The following TSHZ2 variants were observed in gnomAD, a reference collection of about 807,000 sequenced individuals.
TSHZ2 encodes teashirt zinc finger homeobox 2, also known as teashirt homolog 2.
A neutral mutation model predicts 74.4 loss-of-function variants in TSHZ2; 21 were observed. The ratio of observed to expected loss-of-function variants is 0.28; its 90% CI spans 0.20 to 0.41. The LOEUF (loss-of-function observed/expected upper bound fraction) is 0.41. Ranked by LOEUF, TSHZ2 falls within the 10% of genes least tolerant of loss-of-function variation. The pLI is 1.00. For missense variants in TSHZ2, 1,244 were observed against 1,293.5 expected, an observed-to-expected ratio of 0.96 and a Z score of 0.59; for synonymous variants, 540 against 515.3, an observed-to-expected ratio of 1.05 and a Z score of -0.65.
intron 2 of TSHZ2, among the ~76,000 whole-genome samples, chr20:53,466,154 G>T (rs1310057286): frequency 6.6e-6 from 1 of 151,910 alleles, no homozygotes; most frequent in Admixed American, 6.6e-5. Flanking sequence ...GGCTGAGGCA[G>T]GAGAAATCAC....
chr20:53,170,203 C>T (rs1345065143), intron 1 of TSHZ2, among the ~76,000 whole-genome samples: 2 of 152,206 alleles, frequency 1.3e-5, no homozygotes, highest in African/African-American at 2.4e-5. Flanking sequence ...TTTTCTAGGG[C>T]TATGCTGCTT....
intron 2 of TSHZ2, among the ~76,000 whole-genome samples, chr20:53,469,485 A>G (rs1344376153): frequency 6.6e-6 from 1 of 151,926 alleles, no homozygotes; most frequent in Non-Finnish European, 1.5e-5. Flanking sequence ...TGGAGGTTGC[A>G]GTGAGCCGAG....
chr20:53,070,462 C>G (rs1183357017), intron 1 of TSHZ2, among the ~76,000 whole-genome samples: 1 of 152,206 alleles, frequency 6.6e-6, no homozygotes, highest in African/African-American at 2.4e-5. Flanking sequence ...GAAGCAATCT[C>G]TTTCGGATAA....
At chr20:52,986,827 G>T (rs1054306426) in intron 1 of TSHZ2, among the ~76,000 whole-genome samples, 8 of 152,240 alleles carry the variant, frequency 5.3e-5, no homozygotes, top group African/African-American at 1.9e-4. Flanking sequence ...ATAAATTTTT[G>T]TTTTAAAATA....
At chr20:53,058,894 G>T (rs758611853) in intron 1 of TSHZ2, among the ~76,000 whole-genome samples, 1 of 152,108 alleles carries the variant, frequency 6.6e-6, no homozygotes, top group Non-Finnish European at 1.5e-5. Context: ...CATATATTTC[G>T]TTTGTTTGAA....
intron 2 of TSHZ2, among the ~76,000 whole-genome samples, chr20:53,473,654 G>T (rs1357578050): frequency 6.6e-6 from 1 of 150,728 alleles, no homozygotes; most frequent in African/African-American, 2.5e-5. Context: ...AAAGCTGGAT[G>T]GAGAATGACT....
chr20:53,190,243 G>T (rs1266978149), intron 1 of TSHZ2, among the ~76,000 whole-genome samples: 1 of 149,992 alleles, frequency 6.7e-6, no homozygotes, highest in Non-Finnish European at 1.5e-5. Context: ...ATAAGGATGA[G>T]AATAGATTAC....
chr20:53,017,316 T>C (rs1403284899), intron 1 of TSHZ2, among the ~76,000 whole-genome samples: 1 of 152,166 alleles, frequency 6.6e-6, no homozygotes, highest in Non-Finnish European at 1.5e-5. Context: ...CCACAGCCCA[T>C]GACATGCTAC....
rs1986352704 is a variant in TSHZ2 at position 53,488,443 on chromosome 20, T to C, written c.*1308T>C. ...AATATTAAAAGTCTTGCATACCTAG[T>C]GCACAGTTTGGAGACGCAAGGATAG... On this transcript the variant is annotated 3_prime_UTR_variant, in exon 3 of 3. Transcript: ENST00000371497. The C allele has an allele frequency of 6.5e-6, 1 of 154,108 alleles. No individual in the cohort carries two copies. The highest frequency in any genetic ancestry group is 1.4e-5 in the Non-Finnish European group (1 of 69,398). The allele number at this position is 154,108 out of a possible 1,614,324, so 9.5% of individuals were successfully genotyped here. A position where few individuals can be genotyped will look rare whatever the true frequency, so the allele number is the denominator to read the frequency against.
chr20:53,127,018 TAAA>T (rs201808287), intron 1 of TSHZ2, among the ~76,000 whole-genome samples: 5 of 147,300 alleles, frequency 3.4e-5, no homozygotes, highest in African/African-American at 9.9e-5. Context: ...AGGAAAAAGG[TAAA>T]AAAAAAGAAG....
chr20:53,062,643 G>A (rs1360456179), intron 1 of TSHZ2, among the ~76,000 whole-genome samples: 1 of 152,142 alleles, frequency 6.6e-6, no homozygotes, highest in East Asian at 1.9e-4. Flanking sequence ...TTGGCTTAAG[G>A]GAATGTTGTG....
At chr20:53,469,860 G>A (rs934564565) in intron 2 of TSHZ2, among the ~76,000 whole-genome samples, 6 of 140,608 alleles carry the variant, frequency 4.3e-5, no homozygotes, top group African/African-American at 1.3e-4. Flanking sequence ...GAGGAAGGAA[G>A]GAAGGACCCA....
chr20:53,483,912 C>T (rs1276336940), intron 2 of TSHZ2, among the ~76,000 whole-genome samples: 1 of 152,152 alleles, frequency 6.6e-6, no homozygotes, highest in African/African-American at 2.4e-5. Context: ...AAACAAAGTT[C>T]CATGAAATTG....
rs915552495 is a variant in TSHZ2 at position 53,038,866 on chromosome 20, T to TG, written c.40+65533_40+65534insG. On this transcript the variant is annotated intron_variant, in intron 1 of 2. Coordinates refer to ENST00000371497, the MANE Select transcript of TSHZ2 (RefSeq NM_173485.6). ...AGGGCCTTTTCACTTCTTGTTTTTT[T>TG]TTTGTTTGTTTGTTTTGTTTTGTTT... Among the ~76,000 whole-genome samples the TG allele has an allele frequency of 7.2e-4, 97 of 134,948 alleles. 2 individuals are homozygous for TG. In the South Asian group the frequency reaches 0.015, roughly 21 times the overall value. The allele number at this position is 134,948 out of a possible 152,430, so 88.5% of individuals were successfully genotyped here.
At chr20:53,452,501 G>A (rs923279492) in intron 2 of TSHZ2, among the ~76,000 whole-genome samples, 2 of 151,724 alleles carry the variant, frequency 1.3e-5, no homozygotes, top group Non-Finnish European at 2.9e-5. Flanking sequence ...TCGGGAGGCT[G>A]AGGCAGAGAA....
chr20:53,175,595 T>C (rs760563032), intron 1 of TSHZ2, among the ~76,000 whole-genome samples: 6 of 152,334 alleles, frequency 3.9e-5, no homozygotes, highest in Middle Eastern at 6.8e-3. Flanking sequence ...TCTTGTCTGT[T>C]CGAGGGAAGT....
intron 2 of TSHZ2, among the ~76,000 whole-genome samples, chr20:53,301,914 A>C (rs1313291092): frequency 6.6e-6 from 1 of 152,202 alleles, no homozygotes; most frequent in Non-Finnish European, 1.5e-5. Context: ...GGAGATGAGA[A>C]TATCATAATA....
In TSHZ2 at chr20:53,159,554, T is replaced by C. The variant is rs142361323; in HGVS notation, c.41-93945T>C. ...ATCAAAGAGAATAAGTTATAGTTCA[T>C]GGAACACACATAATGTCTATTCTTC... On this transcript the variant is annotated intron_variant, in intron 1 of 2. Coordinates refer to ENST00000371497, the MANE Select transcript of TSHZ2 (RefSeq NM_173485.6). 2.6e-3 allele frequency among the ~76,000 whole-genome samples: 403 copies of C among 152,200 alleles called. 3 individuals carry two copies. The highest frequency in any genetic ancestry group is 9.1e-3 in the African/African-American group (378 of 41,520).
intron 1 of TSHZ2, among the ~76,000 whole-genome samples, chr20:52,994,796 T>C (rs190399620): frequency 6.6e-6 from 1 of 152,210 alleles, no homozygotes; most frequent in Non-Finnish European, 1.5e-5. Flanking sequence ...TTGGTTTCCC[T>C]GTGTCTCCTT....
Sources: gnomAD v4.1 joint callset for allele counts (sites outside exome capture counted in the v4.1 genomes callset) on GRCh38, gnomAD v4.1.1 for gene constraint, MANE v1.5 for transcripts, NCBI Gene and HGNC (gene_info 2026-07-23, HGNC 2026-07-21) for gene names.